The following PVR variants were observed in gnomAD, a reference collection of about 807,000 sequenced individuals.
PVR encodes the protein PVR cell adhesion molecule.
PVR carries 39 observed loss-of-function variants against 43.3 expected under a neutral mutation model. That is an observed-to-expected ratio of 0.90 (90% CI 0.70 to 1.18). The LOEUF (loss-of-function observed/expected upper bound fraction) is 1.18. Ranked by LOEUF, PVR falls within the 50% of genes most tolerant of loss-of-function variation. The pLI is 0.00. For synonymous variants in PVR, 224 were observed against 233.2 expected (o/e 0.96, Z 0.36); for missense variants, 480 against 549.7 (o/e 0.87, Z 1.27).
intron 1 of PVR, among the ~76,000 whole-genome samples, chr19:44,646,505 C>G (rs1973118236): frequency 6.6e-6 from 1 of 152,160 alleles, no homozygotes; most frequent in Non-Finnish European, 1.5e-5. Flanking sequence ...TGGCTCATAC[C>G]TGTAATCCCA....
At chr19:44,645,234 TATA>T (rs1288923203) in intron 1 of PVR, among the ~76,000 whole-genome samples, 3 of 102,740 alleles carry the variant, frequency 2.9e-5, no homozygotes, top group Admixed American at 1.5e-4. Flanking sequence ...TATTATAATA[TATA>T]ATATGTATTA....
chr19:44,648,612 C>A (rs943986613), intron 2 of PVR, among the ~76,000 whole-genome samples: 1 of 152,018 alleles, frequency 6.6e-6, no homozygotes, highest in Non-Finnish European at 1.5e-5. Flanking sequence ...CTCCCTGTAG[C>A]TGGAATTACA....
Position 44,657,795 on chromosome 19 carries a change from C to A in PVR, c.876C>A (p.Ala292=), listed in dbSNP as rs1308934139. ...TMGPLPPFAV[A]QGAQLLIRPV... ...GTCCCCTGCCACCCTTTGCTGTGGC[C>A]CAGGGCGCCCAGCTCCTGATCCGTC... is the stretch of plus-strand genomic sequence containing the variant. The change falls in exon 5 of 8, where the codon GCC becomes GCA. Residue 292 remains alanine, a synonymous_variant. Coordinates refer to ENST00000425690, the MANE Select transcript of PVR (RefSeq NM_006505.5). 1 of 1,614,108 alleles carries A rather than the reference C, an allele frequency of 6.2e-7. No individual in the cohort carries two copies. Among genetic ancestry groups the A allele is most frequent in the Non-Finnish European group, 8.5e-7 (1 of 1,179,988 alleles).
At chr19:44,645,135 T>TAATATATATTATAATATATA (rs1973056899) in intron 1 of PVR, among the ~76,000 whole-genome samples, 1 of 40,170 alleles carries the variant, frequency 2.5e-5, no homozygotes, top group African/African-American at 1.5e-4. Flanking sequence ...TATAATATAT[T>TAATATATATTATAATATATA]ATATATATTA....
chr19:44,659,211 TC>T (rs1973532456), intron 6 of PVR: 1 of 276,156 alleles, frequency 3.6e-6, no homozygotes, highest in Admixed American at 5.0e-5. Context: ...TCAGCCTTAC[TC>T]CATCTGCCTT....
chr19:44,645,088 A>T (rs1253375110), intron 1 of PVR, among the ~76,000 whole-genome samples: 7 of 94,150 alleles, frequency 7.4e-5, no homozygotes, highest in African/African-American at 3.2e-4. Flanking sequence ...ATATATAATA[A>T]AATATATAAT....
At chr19:44,657,695 C>T (rs778878837) in intron 4 of PVR, 67 bp from the exon 5 acceptor site, 1 of 1,543,388 alleles carries the variant, frequency 6.5e-7, no homozygotes, top group South Asian at 1.1e-5. Context: ...GCACGTAGTG[C>T]GTGCTCAATC....
chr19:44,654,132 A>G (rs1599767725), intron 4 of PVR, 115 bp downstream of exon 4: 1 of 798,338 alleles, frequency 1.3e-6, no homozygotes, highest in South Asian at 1.7e-5. Context: ...GGGGGCCCGG[A>G]CCCCTGGGTC....
rs1359606253 is a variant in PVR, at chr19:44,647,209, T to TCGGTTCTC, written c.80-11_80-4dup. The TCGGTTCTC allele has an allele frequency of 2.0e-6, 3 of 1,517,432 alleles. No individual in the cohort carries two copies. Among genetic ancestry groups the TCGGTTCTC allele is most frequent in the Non-Finnish European group, 1.8e-6 (2 of 1,126,758 alleles). 94.0% of individuals were successfully genotyped at this position (1,517,432 alleles called of 1,614,324 possible). A position where few individuals can be genotyped will look rare whatever the true frequency, so the allele number is the denominator to read the frequency against. On this transcript the variant is annotated splice_polypyrimidine_tract_variant and intron_variant, in intron 1 of 7. Transcript: ENST00000425690. ...ACGCCCCGGGTCTGACACCTTCTCT[T>TCGGTTCTC]CGGTTCTCCGCAGGGGACGTCGTCG...
rs1360330046 is a variant in PVR, at chr19:44,647,393, C to G, written c.250C>G (p.Pro84Ala). 1 of 1,614,106 alleles carries G rather than the reference C, an allele frequency of 6.2e-7. No individual in the cohort carries two copies. The highest frequency in any genetic ancestry group is 2.2e-5 in the East Asian group (1 of 44,866). The change falls in exon 2 of 8, where the codon CCC becomes GCC. Residue 84 changes from proline (P) to alanine (A), a missense_variant. Pro to Ala is a conservative substitution (Grantham distance 27). Transcript: ENST00000425690. ...GGCCGTCTTCCACCAAACGCAGGGC[C>G]CCAGCTATTCGGAGTCCAAACGGCT... ...SMAVFHQTQGPSYSESKRLEF... is the reference protein window; with the variant it reads ...SMAVFHQTQGASYSESKRLEF...
intron 6 of PVR, 121 bp downstream of exon 6, chr19:44,659,021 T>A: frequency 1.1e-6 from 1 of 920,034 alleles, no homozygotes; most frequent in East Asian, 2.5e-5. Flanking sequence ...ATTTGACTGA[T>A]GAGGGTGCAG....
Position 44,665,230 on chromosome 19 carries a change from G to A in PVR, c.*3419G>A, listed in dbSNP as rs203713. ...CCCTCCCTCTGCATTGCTCCTGCAC[G>A]GGAGTCGGGAATCTTTTCAGGTTGA... On this transcript the variant is annotated 3_prime_UTR_variant, in exon 8 of 8. Coordinates refer to ENST00000425690, the MANE Select transcript of PVR (RefSeq NM_006505.5). 0.15 allele frequency: 22,718 copies of A among 152,142 alleles called. 2,060 individuals are homozygous for A. Among genetic ancestry groups the A allele is most frequent in the Non-Finnish European group, 0.21 (14,258 of 67,982 alleles). 9.4% of individuals were successfully genotyped at this position (152,142 alleles called of 1,614,324 possible).
At chr19:44,661,460 C>A in intron 7 of PVR, 137 bp downstream of exon 7, 1 of 971,230 alleles carries the variant, frequency 1.0e-6, no homozygotes, top group Non-Finnish European at 1.6e-6. Context: ...CCCAACCCTT[C>A]CTGCTGGGCG....
At chr19:44,656,795 C>A (rs2123765491) in intron 4 of PVR, among the ~76,000 whole-genome samples, 1 of 152,062 alleles carries the variant, frequency 6.6e-6, no homozygotes, top group East Asian at 1.9e-4. Context: ...CATGGCGAAA[C>A]CCCATCTCTA....
intron 6 of PVR, among the ~76,000 whole-genome samples, chr19:44,659,325 C>T (rs1450843507): frequency 3.9e-5 from 6 of 152,146 alleles, no homozygotes; most frequent in Admixed American, 2.0e-4. Context: ...TTGCACAGGC[C>T]GTTCCCCTGC....
At chr19:44,659,434 G>A (rs951826087) in intron 6 of PVR, among the ~76,000 whole-genome samples, 4 of 151,944 alleles carry the variant, frequency 2.6e-5, no homozygotes, top group African/African-American at 7.2e-5. Context: ...ATGCCACTTT[G>A]TATGTATAAC....
At chr19:44,649,781 G>A in intron 2 of PVR, 28 bp from the exon 3 acceptor site, 1 of 1,609,838 alleles carries the variant, frequency 6.2e-7, no homozygotes, top group South Asian at 1.1e-5. Context: ...TTCATTGAAT[G>A]ACTTGTTGCT....
rs1262411273 is a variant in PVR, at chr19:44,665,601, T to TCCAC, written c.*3793_*3794insCCCA. The TCCAC allele has an allele frequency of 8.2e-6, 1 of 122,258 alleles. No homozygotes were observed. The highest frequency in any genetic ancestry group is 3.3e-5 in the African/African-American group (1 of 30,374). 7.6% of individuals were successfully genotyped at this position (122,258 alleles called of 1,614,324 possible). ...GTAAACCATGATCGAGTTACTGCAC[T>TCCAC]CCAGCCTGGGTGACAAGAGTGAGAC... On this transcript the variant is annotated 3_prime_UTR_variant, in exon 8 of 8. Transcript: ENST00000425690.
At chr19:44,648,082 A>G (rs1973180961) in intron 2 of PVR, among the ~76,000 whole-genome samples, 1 of 152,150 alleles carries the variant, frequency 6.6e-6, no homozygotes. Context: ...ACTTTCCACC[A>G]AACAATATTT....
Sources: allele counts gnomAD v4.1 joint callset (sites outside exome capture counted in the v4.1 genomes callset), GRCh38; gene constraint gnomAD v4.1.1; transcripts MANE v1.5; gene names NCBI Gene and HGNC (gene_info 2026-07-23, HGNC 2026-07-21).